The following FSD1L variants were observed in gnomAD, a reference collection of about 807,000 sequenced individuals.
The protein encoded by FSD1L is FSD1-like protein.
Under a neutral mutation model 71.6 loss-of-function variants are expected in FSD1L, and 45 were observed. The ratio of observed to expected loss-of-function variants is 0.63; its 90% CI spans 0.49 to 0.81. FSD1L has a LOEUF of 0.81. Ranked by LOEUF, FSD1L falls within the 30% of genes least tolerant of loss-of-function variation. The pLI is 0.00. For missense variants in FSD1L, 561 were observed against 618.1 expected (o/e 0.91, Z 0.98); for synonymous variants, 197 against 207.2 (o/e 0.95, Z 0.42).
chr9:105,496,186 G>A (rs1377624191), intron 7 of FSD1L, among the ~76,000 whole-genome samples: 4 of 145,792 alleles, frequency 2.7e-5, no homozygotes, highest in Non-Finnish European at 6.0e-5. Context: ...CCAGTACCAG[G>A]TCTTGATGAC....
At chr9:105,531,295 G>A (rs952712775) in intron 10 of FSD1L, among the ~76,000 whole-genome samples, 2 of 152,094 alleles carry the variant, frequency 1.3e-5, no homozygotes, top group Admixed American at 1.3e-4. Flanking sequence ...CCACTGGTTT[G>A]GTTCATTTAA....
chr9:105,530,741 G>T, intron 10 of FSD1L: 1 of 509,796 alleles, frequency 2.0e-6, no homozygotes, highest in South Asian at 3.1e-5. Flanking sequence ...GATTGTTTCT[G>T]AATCTGCTGT....
At chr9:105,522,434 A>G (rs1457117141) in intron 10 of FSD1L, 6 of 1,613,670 alleles carry the variant, frequency 3.7e-6, no homozygotes, top group African/African-American at 1.3e-5. Flanking sequence ...AGCCTGGCCA[A>G]GCCCCAATGA....
At chr9:105,449,319 A>G (rs1829841523) in intron 1 of FSD1L, among the ~76,000 whole-genome samples, 1 of 152,220 alleles carries the variant, frequency 6.6e-6, no homozygotes, top group African/African-American at 2.4e-5. Context: ...TTGGTCTTGA[A>G]ACTCACCTTG....
chr9:105,480,702 G>A (rs1832118015), intron 6 of FSD1L, among the ~76,000 whole-genome samples: 2 of 152,184 alleles, frequency 1.3e-5, no homozygotes, highest in South Asian at 4.1e-4. Flanking sequence ...GTTTGAAGGT[G>A]AAAAATATTA....
chr9:105,452,653 G>GCCTT (rs1564073128), intron 1 of FSD1L, among the ~76,000 whole-genome samples: 9 of 130,672 alleles, frequency 6.9e-5, no homozygotes, highest in Non-Finnish European at 1.1e-4. Context: ...CTGCCTGCCT[G>GCCTT]CCTGCCTGCC....
rs139888606 is a variant in FSD1L at position 105,468,392 on chromosome 9, A to G, written c.339+68A>G. The G allele has an allele frequency of 8.3e-4, 1,022 of 1,229,788 alleles. 15 individuals are homozygous for G. In the Admixed American group the frequency reaches 0.015, roughly 18 times the overall value. 76.2% of individuals were successfully genotyped at this position (1,229,788 alleles called of 1,614,324 possible). A position where few individuals can be genotyped will look rare whatever the true frequency, so the allele number is the denominator to read the frequency against. On this transcript the variant is annotated intron_variant, in intron 4 of 13. Transcript: ENST00000481272. ...TTTAATCCTTGATTTATGATAAGCAAAAATTAATGAATTTCTAAGTATAAC... is the reference window on the plus strand; with the variant it reads ...TTTAATCCTTGATTTATGATAAGCAGAAATTAATGAATTTCTAAGTATAAC...
intron 12 of FSD1L, among the ~76,000 whole-genome samples, chr9:105,536,339 C>CA (rs1234963080): frequency 1.3e-5 from 2 of 152,098 alleles, no homozygotes; most frequent in African/African-American, 4.8e-5. Context: ...TTTTCCAGAC[C>CA]ATATATTCTG....
intron 7 of FSD1L, among the ~76,000 whole-genome samples, chr9:105,499,299 G>T (rs1209044498): frequency 1.3e-5 from 2 of 152,132 alleles, no homozygotes; most frequent in African/African-American, 2.4e-5. Context: ...ATAAATAGTT[G>T]CCCTTATTGT....
intron 7 of FSD1L, among the ~76,000 whole-genome samples, chr9:105,504,671 T>C (rs1320841866): frequency 1.3e-5 from 2 of 152,238 alleles, no homozygotes; most frequent in African/African-American, 4.8e-5. Flanking sequence ...GTTATTTGCA[T>C]GTAACCTATG....
In FSD1L at chr9:105,468,395, A is replaced by T. The variant is rs1438352475; in HGVS notation, c.339+71A>T. 20 of 1,214,382 alleles carry T rather than the reference A, an allele frequency of 1.6e-5. No individual in the cohort carries two copies. The Admixed American group carries it at 7.6e-4, about 46-fold the overall frequency. The allele number at this position is 1,214,382 out of a possible 1,614,324, so 75.2% of individuals were successfully genotyped here. A position where few individuals can be genotyped will look rare whatever the true frequency, so the allele number is the denominator to read the frequency against. ...AATCCTTGATTTATGATAAGCAAAA[A>T]TTAATGAATTTCTAAGTATAACTAT... On this transcript the variant is annotated intron_variant, in intron 4 of 13. Transcript: ENST00000481272.
Position 105,525,551 on chromosome 9 carries a change from T to A in FSD1L, c.1026-8942T>A, listed in dbSNP as rs1835455420. 4 of 1,611,992 alleles carry A rather than the reference T, an allele frequency of 2.5e-6. No homozygotes were observed. The Admixed American group carries it at 6.7e-5, about 27-fold the overall frequency. ...TCAGCATTTTATTATTGCAGATTGC[T>A]TCTTAGTATATTGGGAATGAATTCC... On this transcript the variant is annotated intron_variant, in intron 10 of 13. Transcript: ENST00000481272.
intron 13 of FSD1L, among the ~76,000 whole-genome samples, chr9:105,545,223 CTGTT>C (rs1306218787): frequency 2.7e-5 from 4 of 146,222 alleles, no homozygotes; most frequent in East Asian, 1.9e-4. Context: ...ATTTGGCTCT[CTGTT>C]TGTTATTGGT....
At position 105,548,867 on chromosome 9, in the gene FSD1L, G is replaced by A. The variant is rs1312949954; in HGVS notation, c.*2384G>A. 34 of 151,738 alleles carry A rather than the reference G, an allele frequency of 2.2e-4. No homozygotes were observed. The highest frequency in any genetic ancestry group is 1.9e-4 in the Non-Finnish European group (13 of 67,896). The allele number at this position is 151,738 out of a possible 1,614,324, so 9.4% of individuals were successfully genotyped here. The stretch of plus-strand genomic sequence containing the variant: ...TCTCTAAAATTAAAGAACAAGATGT[G>A]GTTTTTTGTTTAAGACGTTTTTAGT... On this transcript the variant is annotated 3_prime_UTR_variant, in exon 14 of 14. Transcript: ENST00000481272.
At chr9:105,489,372 T>C (rs116869462) in intron 7 of FSD1L, among the ~76,000 whole-genome samples, 2 of 152,244 alleles carry the variant, frequency 1.3e-5, no homozygotes, top group Non-Finnish European at 2.9e-5. Context: ...TGAAACAGCA[T>C]GCATATCTCA....
chr9:105,459,888 C>G (rs1564079288), intron 1 of FSD1L, among the ~76,000 whole-genome samples: 1 of 152,310 alleles, frequency 6.6e-6, no homozygotes, highest in East Asian at 1.9e-4. Flanking sequence ...TGAAAATAAT[C>G]TAGGCCTTTA....
intron 7 of FSD1L, among the ~76,000 whole-genome samples, chr9:105,492,167 A>G (rs970493726): frequency 1.3e-5 from 2 of 152,134 alleles, no homozygotes; most frequent in African/African-American, 4.8e-5. Context: ...TTATTGCCTC[A>G]ATTTCAGAGC....
At position 105,507,269 on chromosome 9, in the gene FSD1L, T is replaced by A. The variant is rs561942280; in HGVS notation, c.796+661T>A. Among the ~76,000 whole-genome samples the A allele has an allele frequency of 5.9e-5, 9 of 152,320 alleles. No individual in the cohort carries two copies. The East Asian group carries it at 1.4e-3, about 23-fold the overall frequency. ...ATAACAATAGAAATTTGTGTTGACC[T>A]TTTGAAAGCCTTTATAAGAATGTCT... On this transcript the variant is annotated intron_variant, in intron 8 of 13. Transcript: ENST00000481272.
chr9:105,509,393 A>G (rs934676015), intron 9 of FSD1L, among the ~76,000 whole-genome samples: 4 of 152,166 alleles, frequency 2.6e-5, no homozygotes, highest in African/African-American at 9.7e-5. Context: ...GTTTAATGAA[A>G]ACTCCCTAGA....
Sources: allele counts gnomAD v4.1 joint callset (sites outside exome capture counted in the v4.1 genomes callset), GRCh38; gene constraint gnomAD v4.1.1; transcripts MANE v1.5; gene names NCBI Gene and HGNC (gene_info 2026-07-23, HGNC 2026-07-21).